The following C1orf116 variants were observed in gnomAD, a reference collection of about 807,000 sequenced individuals.
C1orf116 encodes specifically androgen-regulated gene protein.
Under a neutral mutation model 14.1 loss-of-function variants are expected in C1orf116, and 12 were observed. The ratio of observed to expected loss-of-function variants is 0.85; its 90% confidence interval spans 0.54 to 1.38. The LOEUF (loss-of-function observed/expected upper bound fraction) is 1.38, where lower values mean the gene tolerates loss of function less well. Ranked by LOEUF, C1orf116 falls within the 40% of genes most tolerant of loss-of-function variation. C1orf116 has a pLI of 0.00. For synonymous variants in C1orf116, 296 were observed against 299.0 expected, an observed-to-expected ratio of 0.99 and a Z score of 0.10; for missense variants, 797 against 747.0, an observed-to-expected ratio of 1.07 and a Z score of -0.78.
At position 207,021,696 on chromosome 1, in the gene C1orf116, C is replaced by A. The variant is rs997119944; in HGVS notation, c.*262G>T. 1.2e-5 allele frequency: 4 copies of A among 338,314 alleles called. No homozygotes were observed. Among genetic ancestry groups the A allele is most frequent in the African/African-American group, 8.5e-5 (4 of 47,306 alleles). 21.0% of individuals were successfully genotyped at this position (338,314 alleles called of 1,614,324 possible). A position where few individuals can be genotyped will look rare whatever the true frequency, so the allele number is the denominator to read the frequency against. On this transcript the variant is annotated 3_prime_UTR_variant, in exon 4 of 4. Transcript: ENST00000359470. ...TGAACAGTGACTCATTGTGTTATATCAATAGCTTCAGTGATGTATCCAGCG... is the reference window on the plus strand; with the variant it reads ...TGAACAGTGACTCATTGTGTTATATAAATAGCTTCAGTGATGTATCCAGCG...
At chr1:207,024,365 G>C (rs1033376679) in intron 3 of C1orf116, among the ~76,000 whole-genome samples, 33 of 152,230 alleles carry the variant, frequency 2.2e-4, no homozygotes, top group Admixed American at 5.9e-4. Context: ...CACAGTCATG[G>C]CCACACTTGT....
In C1orf116 at chr1:207,022,455, C is replaced by G. The variant is rs1681909216; in HGVS notation, c.1309G>C (p.Ala437Pro). ...MKSPAPGNVA[A>P]SKSMPISIPK... ...ATAGAAATTGGCATAGATTTGCTAG[C>G]TGCAACATTGCCTGGAGCTGGAGAC... The change falls in exon 4 of 4, where the codon GCT (alanine) becomes CCT (proline). Residue 437 changes from alanine (A) to proline (P), a missense_variant. Physicochemically the swap from Ala to Pro is conservative, Grantham distance 27 (BLOSUM62 -1). Transcript: ENST00000359470. The G allele has an allele frequency of 1.2e-6, 2 of 1,614,234 alleles. No individual in the cohort carries two copies. Among genetic ancestry groups the G allele is most frequent in the Non-Finnish European group, 1.7e-6 (2 of 1,180,034 alleles).
chr1:207,031,249 C>T (rs944162219), intron 1 of C1orf116, among the ~76,000 whole-genome samples: 6 of 152,190 alleles, frequency 3.9e-5, no homozygotes, highest in Non-Finnish European at 8.8e-5. Flanking sequence ...AACACATGGG[C>T]AAGTTTCTGT....
intron 1 of C1orf116, among the ~76,000 whole-genome samples, 152 bp from the exon 2 acceptor site, chr1:207,027,831 G>A (rs1682130990): frequency 6.6e-6 from 1 of 152,218 alleles, no homozygotes; most frequent in South Asian, 2.1e-4. Flanking sequence ...GGCCTGCATG[G>A]AAGGACCCTG....
intron 3 of C1orf116, among the ~76,000 whole-genome samples, chr1:207,023,917 C>T (rs777846934): frequency 2.6e-5 from 4 of 152,188 alleles, no homozygotes; most frequent in Non-Finnish European, 4.4e-5. Flanking sequence ...GACCTCTCCC[C>T]AGTTTTCTAC....
intron 3 of C1orf116, among the ~76,000 whole-genome samples, chr1:207,023,966 T>A (rs1345024107): frequency 6.6e-6 from 1 of 152,262 alleles, no homozygotes; most frequent in Non-Finnish European, 1.5e-5. Flanking sequence ...GGACAGTTCC[T>A]TCTAGCTATT....
chr1:207,028,096 C>T (rs1264285952), intron 1 of C1orf116, among the ~76,000 whole-genome samples: 1 of 152,134 alleles, frequency 6.6e-6, no homozygotes, highest in East Asian at 1.9e-4. Flanking sequence ...TCTGTTTTTC[C>T]TCATTAAATA....
chr1:207,032,275 T>G (rs939609921), intron 1 of C1orf116, among the ~76,000 whole-genome samples: 1 of 152,262 alleles, frequency 6.6e-6, no homozygotes, highest in Admixed American at 6.5e-5. Flanking sequence ...TGTTCAGAGA[T>G]GGAAATTTCC....
At chr1:207,026,393 A>T (rs1423083942) in intron 2 of C1orf116, among the ~76,000 whole-genome samples, 1 of 152,220 alleles carries the variant, frequency 6.6e-6, no homozygotes, top group East Asian at 1.9e-4. Flanking sequence ...CTCCTTCATG[A>T]ATGATTCACT....
intron 1 of C1orf116, among the ~76,000 whole-genome samples, 190 bp from the exon 2 acceptor site, chr1:207,027,869 C>G (rs1682131964): frequency 6.6e-6 from 1 of 152,226 alleles, no homozygotes; most frequent in Admixed American, 6.5e-5. Context: ...TGCAGAAGGA[C>G]AGACTTAGTT....
rs556917407 is a variant in C1orf116 at position 207,019,154 on chromosome 1, A to G, written c.*2804T>C. ...TACGAGTGAGTGGGCTCATCGGTTGACCTCTGTGTGAGATGGCACGTGGTC... is the reference window on the plus strand; with the variant it reads ...TACGAGTGAGTGGGCTCATCGGTTGGCCTCTGTGTGAGATGGCACGTGGTC... On this transcript the variant is annotated 3_prime_UTR_variant, in exon 4 of 4. Transcript: ENST00000359470. The G allele has an allele frequency of 6.6e-6, 1 of 152,328 alleles. No homozygotes were observed. Among genetic ancestry groups the G allele is most frequent in the Admixed American group, 6.5e-5 (1 of 15,304 alleles). The allele number at this position is 152,328 out of a possible 1,614,324, so 9.4% of individuals were successfully genotyped here. A position where few individuals can be genotyped will look rare whatever the true frequency, so the allele number is the denominator to read the frequency against.
Position 207,022,967 on chromosome 1 carries a change from G to C in C1orf116, c.797C>G (p.Pro266Arg), listed in dbSNP as rs141962471. The change falls in exon 4 of 4, where the codon CCT becomes CGT. Residue 266 changes from proline (P) to arginine (R), a missense_variant. Physicochemically the swap from Pro to Arg is moderately radical, Grantham distance 103 (BLOSUM62 -2). Transcript: ENST00000359470. ...STRYTQPQPP[P>R]AGLPQNARAE... ...TCTTGCATTCTGAGGCAACCCTGCA[G>C]GAGGAGGCTGGGGTTGTGTGTACCT... 23 of 1,614,154 alleles carry C rather than the reference G, an allele frequency of 1.4e-5. No homozygotes were observed. The highest frequency in any genetic ancestry group is 1.6e-4 in the Middle Eastern group (1 of 6,062).
Position 207,021,833 on chromosome 1 carries a change from G to T in C1orf116, c.*125C>A. ...GGCACAACACTGAATATAAATGTAT[G>T]CTTGGACTCAAATCTCTCCCTCCCA... On this transcript the variant is annotated 3_prime_UTR_variant, in exon 4 of 4. Transcript: ENST00000359470. 2 of 937,806 alleles carry T rather than the reference G, an allele frequency of 2.1e-6. No homozygotes were observed. Among genetic ancestry groups the T allele is most frequent in the Non-Finnish European group, 3.1e-6 (2 of 653,242 alleles). 58.1% of individuals were successfully genotyped at this position (937,806 alleles called of 1,614,324 possible).
rs757897878 is a variant in C1orf116, at chr1:207,022,230, C to T, written c.1534G>A (p.Gly512Ser). 1.2e-6 allele frequency: 2 copies of T among 1,614,022 alleles called. No individual in the cohort carries two copies. Among genetic ancestry groups the T allele is most frequent in the South Asian group, 1.1e-5 (1 of 91,034 alleles). Residue 512 changes from glycine to serine, a missense_variant, in exon 4 of 4, where the codon GGC (glycine) becomes AGC (serine). Transcript: ENST00000359470. ...GGCGAGATCTTGTCCAAGAAGGAGC[C>T]CTTTCCCAGAGAAGTGCTGGTTTTG... Reference protein sequence around the residue: ...SPKTSTSLGKGSFLDKISPSV... With the variant: ...SPKTSTSLGKSSFLDKISPSV...
chr1:207,025,419 A>C (rs1282541861), intron 2 of C1orf116, among the ~76,000 whole-genome samples: 4 of 152,254 alleles, frequency 2.6e-5, no homozygotes, highest in Non-Finnish European at 4.4e-5. Context: ...AGCAGTCCCA[A>C]GTTTCAATGT....
chr1:207,027,701 C>A lies in C1orf116; in HGVS notation c.-81-22G>T, dbSNP rs1431690992. 8 of 1,525,700 alleles carry A rather than the reference C, an allele frequency of 5.2e-6. No individual in the cohort carries two copies. The East Asian group carries it at 1.4e-4, about 27-fold the overall frequency. 94.5% of individuals were successfully genotyped at this position (1,525,700 alleles called of 1,614,324 possible). A position where few individuals can be genotyped will look rare whatever the true frequency, so the allele number is the denominator to read the frequency against. On this transcript the variant is annotated intron_variant, in intron 1 of 3. Transcript: ENST00000359470. ...GGGCCTGAAAAGAGAAGAATCAAAGCCACACATGAGCCGAGGCTTCGGCAA... is the reference window on the plus strand; with the variant it reads ...GGGCCTGAAAAGAGAAGAATCAAAGACACACATGAGCCGAGGCTTCGGCAA...
At position 207,020,237 on chromosome 1, in the gene C1orf116, G is replaced by C. The variant is rs559759721; in HGVS notation, c.*1721C>G. The C allele has an allele frequency of 6.6e-6, 1 of 152,156 alleles. No individual in the cohort carries two copies. The highest frequency in any genetic ancestry group is 1.5e-5 in the Non-Finnish European group (1 of 68,028). The allele number at this position is 152,156 out of a possible 1,614,324, so 9.4% of individuals were successfully genotyped here. On this transcript the variant is annotated 3_prime_UTR_variant, in exon 4 of 4. Transcript: ENST00000359470. The stretch of plus-strand genomic sequence containing the variant: ...TTTGGATGTGCGTGTATGAGCAAAC[G>C]TACACAGAAACCGCCACACCCACAC...
At position 207,021,328 on chromosome 1, in the gene C1orf116, T is replaced by C. The variant is rs577939201; in HGVS notation, c.*630A>G. 8 of 152,498 alleles carry C rather than the reference T, an allele frequency of 5.2e-5. No homozygotes were observed. In the East Asian group the frequency reaches 1.5e-3, roughly 29 times the overall value. 9.4% of individuals were successfully genotyped at this position (152,498 alleles called of 1,614,324 possible). On this transcript the variant is annotated 3_prime_UTR_variant, in exon 4 of 4. Coordinates refer to ENST00000359470, the MANE Select transcript of C1orf116 (RefSeq NM_023938.6). ...GTTCTGCTATCAATCAACCGAGAGA[T>C]TGGGTTACAGGGACGTATCCTGTCT...
At chr1:207,026,999 GA>G (rs1291754684) in intron 2 of C1orf116, among the ~76,000 whole-genome samples, 1 of 152,206 alleles carries the variant, frequency 6.6e-6, no homozygotes, top group African/African-American at 2.4e-5. Flanking sequence ...GAAAACTGAG[GA>G]GGCTAAAGCT....
Sources: allele counts gnomAD v4.1 joint callset (sites outside exome capture counted in the v4.1 genomes callset), GRCh38; gene constraint gnomAD v4.1.1; transcripts MANE v1.5; gene names NCBI Gene and HGNC (gene_info 2026-07-23, HGNC 2026-07-21).